The following HEATR4 variants were observed in gnomAD, a reference collection of about 807,000 sequenced individuals.
The protein encoded by HEATR4 is HEAT repeat-containing protein 4.
HEATR4 carries 95 observed loss-of-function variants against 108.8 expected under a neutral mutation model. That is an observed-to-expected ratio of 0.87 (90% confidence interval 0.74 to 1.04). The LOEUF (loss-of-function observed/expected upper bound fraction) is 1.04. Ranked by LOEUF, HEATR4 falls within the 50% of genes least tolerant of loss-of-function variation. HEATR4 has a pLI of 0.00. For missense variants in HEATR4, 1,152 were observed against 1,253.8 expected, an observed-to-expected ratio of 0.92 and a Z score of 1.23; for synonymous variants, 443 against 459.4, an observed-to-expected ratio of 0.96 and a Z score of 0.46.
Position 73,523,175 on chromosome 14 carries a change from C to A in HEATR4, c.-23G>T. ...CATACCGCGTCCCAGCAAATGCTTC[C>A]TTCCACACTGCCTGGCCTAGAGGAA... On this transcript the variant is annotated 5_prime_UTR_variant, in exon 3 of 18. In the 5' UTR this introduces an upstream ATG that the reference lacks. Coordinates refer to ENST00000553558, the MANE Select transcript of HEATR4 (RefSeq NM_001220484.1). 6.5e-7 allele frequency: 1 copy of A among 1,547,226 alleles called. No homozygotes were observed. Among genetic ancestry groups the A allele is most frequent in the Non-Finnish European group, 8.7e-7 (1 of 1,152,544 alleles).
the HEATR4 span, among the ~76,000 whole-genome samples, chr14:73,627,475 C>T: frequency 2.0e-5 from 3 of 152,182 alleles, no homozygotes; most frequent in Non-Finnish European, 4.4e-5. Context: ...GTTCCAATGA[C>T]CTCCTTGTTG....
At chr14:73,519,194 C>T (rs1383973714) in intron 4 of HEATR4, 31 bp from the exon 5 acceptor site, 2 of 1,588,668 alleles carry the variant, frequency 1.3e-6, no homozygotes, top group South Asian at 1.1e-5. Context: ...AATGAGTCCC[C>T]TATAACCTCC....
intron 17 of HEATR4, chr14:73,491,638 G>C (rs1410832115): frequency 9.7e-6 from 15 of 1,550,022 alleles, no homozygotes; most frequent in Non-Finnish European, 1.2e-5. Context: ...GCCTCTTTGA[G>C]TGGCTCATCG....
chr14:73,569,325 C>T, the HEATR4 span: 5 of 1,613,964 alleles, frequency 3.1e-6, no homozygotes, highest in Non-Finnish European at 3.4e-6. Context: ...TGCTGTCCTT[C>T]GAGCGTCCCG....
upstream of HEATR4, among the ~76,000 whole-genome samples, chr14:73,563,131 C>A (rs894770460): frequency 2.0e-5 from 3 of 151,972 alleles, no homozygotes; most frequent in Non-Finnish European, 2.9e-5. Context: ...CACGGTCCTA[C>A]CAATATGTGA....
intron 1 of HEATR4, chr14:73,537,117 G>C (rs1289015926): frequency 3.9e-6 from 1 of 256,118 alleles, no homozygotes; most frequent in Non-Finnish European, 6.7e-6. Flanking sequence ...CCGAGTAGCC[G>C]GGACGAACCA....
intron 17 of HEATR4, among the ~76,000 whole-genome samples, chr14:73,480,478 TATTTTA>T (rs1245454006): frequency 6.6e-6 from 1 of 152,112 alleles, no homozygotes; most frequent in Admixed American, 6.6e-5. Context: ...TGGACCATAT[TATTTTA>T]ATTTTAATTT....
the HEATR4 span, among the ~76,000 whole-genome samples, chr14:73,577,830 T>C: frequency 1.1e-4 from 16 of 151,788 alleles, no homozygotes; most frequent in African/African-American, 3.6e-4. Flanking sequence ...CTGGGTAACA[T>C]AGTGGGACAT....
intron 16 of HEATR4, 42 bp from the exon 17 acceptor site, chr14:73,493,166 A>G (rs1292009497): frequency 6.4e-7 from 1 of 1,551,142 alleles, no homozygotes; most frequent in African/African-American, 1.4e-5. Flanking sequence ...GTGGAAAAAA[A>G]ACCCTTGATC....
chr14:73,491,854 C>T lies in HEATR4; in HGVS notation c.2844+1212G>A, dbSNP rs201799144. 7.5e-4 allele frequency: 1,202 copies of T among 1,609,896 alleles called. 10 individuals are homozygous for T. The East Asian group carries it at 0.022, about 30-fold the overall frequency. ...GACGCGAGACCCTGAACCCACCCGG[C>T]CGCGCGCTGCCCGCCGCCGCGTGGT... On this transcript the variant is annotated intron_variant, in intron 17 of 17. Coordinates refer to ENST00000553558, the MANE Select transcript of HEATR4 (RefSeq NM_001220484.1).
chr14:73,585,257 C>T, the HEATR4 span, among the ~76,000 whole-genome samples: 4 of 152,188 alleles, frequency 2.6e-5, no homozygotes, highest in African/African-American at 7.2e-5. Context: ...AGGCCTAGGT[C>T]AGGGCAAGGT....
intron 10 of HEATR4, among the ~76,000 whole-genome samples, chr14:73,505,993 C>T (rs113230661): frequency 2.7e-5 from 4 of 148,332 alleles, no homozygotes; most frequent in South Asian, 4.2e-4. Flanking sequence ...TGGGTTCAAG[C>T]GATTCTCCTG....
the HEATR4 span, among the ~76,000 whole-genome samples, chr14:73,617,935 A>C: frequency 6.6e-6 from 1 of 151,696 alleles, no homozygotes; most frequent in African/African-American, 2.4e-5. Context: ...ACCTGAGGTC[A>C]GGAGTTTGAG....
At chr14:73,598,003 T>C in the HEATR4 span, among the ~76,000 whole-genome samples, 50,422 of 150,976 alleles carry the variant, frequency 0.33, 9,775 homozygotes, top group East Asian at 0.64. Context: ...GGATTACAGG[T>C]GTGAGCCACT....
chr14:73,591,986 C>T, the HEATR4 span: 701 of 1,415,666 alleles, frequency 5.0e-4, 4 homozygotes, highest in African/African-American at 9.8e-3. Context: ...TCCTGGAGCC[C>T]CCAGGCCGCT....
Position 73,492,471 on chromosome 14 carries a change from T to C in HEATR4, c.2844+595A>G, listed in dbSNP as rs753442132. On this transcript the variant is annotated intron_variant, in intron 17 of 17. Transcript: ENST00000553558. The surrounding 1 kb of genome is among the most constrained non-coding windows in gnomAD (Gnocchi z 4.9). ...TTCATGGAGAAGGTGCGGGTCTTGG[T>C]TGCCCGCCTGGGACACTTTGCTCCT... is the stretch of plus-strand genomic sequence containing the variant. 5.6e-6 allele frequency: 9 copies of C among 1,613,666 alleles called. No individual in the cohort carries two copies. Among genetic ancestry groups the C allele is most frequent in the Admixed American group, 1.7e-5 (1 of 59,950 alleles).
intron 6 of HEATR4, 141 bp from the exon 7 acceptor site, chr14:73,512,290 A>ATCTC: frequency 3.3e-6 from 3 of 921,926 alleles, no homozygotes; most frequent in Non-Finnish European, 4.8e-6. Flanking sequence ...GGGCCCAGAG[A>ATCTC]TGGGGTCTTT....
chr14:73,600,672 A>G, the HEATR4 span, among the ~76,000 whole-genome samples: 1 of 151,844 alleles, frequency 6.6e-6, no homozygotes, highest in African/African-American at 2.4e-5. Context: ...TCTGGTCTCA[A>G]ACTCCTGACC....
intron 17 of HEATR4, among the ~76,000 whole-genome samples, chr14:73,485,949 A>G (rs185122310): frequency 1.1e-3 from 173 of 152,258 alleles, no homozygotes; most frequent in African/African-American, 4.0e-3. Context: ...CTTGAGTTCA[A>G]GCAATCCACC....
Sources: gnomAD v4.1 joint callset for allele counts (sites outside exome capture counted in the v4.1 genomes callset) on GRCh38, gnomAD v4.1.1 for gene constraint, Gnocchi (gnomAD v3.1) non-coding constraint, MANE v1.5 for transcripts, NCBI Gene and HGNC (gene_info 2026-07-23, HGNC 2026-07-21) for gene names.